Variants in MDGA2 observed in about 807,000 individuals in gnomAD.
MDGA2 encodes the protein MAM domain-containing glycosylphosphatidylinositol anchor protein 2.
In MDGA2, 40 loss-of-function variants were observed where a neutral mutation model predicts 117.8. That is an observed-to-expected ratio of 0.34 (90% CI 0.26 to 0.44). MDGA2 has a LOEUF of 0.44. MDGA2 is among the 20% of genes least tolerant of loss of function. MDGA2 has a pLI of 1.00. For synonymous variants in MDGA2, 452 were observed against 439.0 expected (o/e 1.03, Z -0.37); for missense variants, 1,123 against 1,250.6 (o/e 0.90, Z 1.54).
intron 8 of MDGA2, among the ~76,000 whole-genome samples, chr14:47,023,969 A>G (rs1267069768): frequency 6.6e-6 from 1 of 152,188 alleles, no homozygotes; most frequent in East Asian, 1.9e-4. Flanking sequence ...CAAGATTGAA[A>G]AGTAAAAACG....
At chr14:47,313,597 C>T (rs1396913905) in intron 1 of MDGA2, among the ~76,000 whole-genome samples, 1 of 152,110 alleles carries the variant, frequency 6.6e-6, no homozygotes, top group African/African-American at 2.4e-5. Flanking sequence ...ATGCCCAACT[C>T]AAAATGTACT....
At chr14:47,350,759 A>C (rs191724920) in intron 1 of MDGA2, among the ~76,000 whole-genome samples, 9 of 152,352 alleles carry the variant, frequency 5.9e-5, no homozygotes, top group East Asian at 1.9e-4. Flanking sequence ...CAAGTACCTA[A>C]GTAATTTTGG....
intron 10 of MDGA2, among the ~76,000 whole-genome samples, chr14:46,917,130 A>G (rs1023019653): frequency 6.6e-6 from 1 of 152,206 alleles, no homozygotes; most frequent in Non-Finnish European, 1.5e-5. Flanking sequence ...ATGTGAATCA[A>G]TAACATAGAT....
intron 8 of MDGA2, among the ~76,000 whole-genome samples, chr14:47,023,000 T>C (rs1213922465): frequency 6.6e-6 from 1 of 151,848 alleles, no homozygotes; most frequent in Non-Finnish European, 1.5e-5. Context: ...GTAGTTAATC[T>C]CTGGGTGAGA....
chr14:46,892,075 GT>G (rs1241465809), intron 10 of MDGA2, among the ~76,000 whole-genome samples: 1 of 151,592 alleles, frequency 6.6e-6, no homozygotes, highest in Non-Finnish European at 1.5e-5. Flanking sequence ...TATTAAAAAT[GT>G]TTTTTAAATA....
At position 47,080,300 on chromosome 14, in the gene MDGA2, A is replaced by G. The variant is rs541472985; in HGVS notation, c.1195+16554T>C. ...ATTTAATTCAATTATTTCTGGAGGA[A>G]ATTTATAACAATTTATAACGCAAGA... On this transcript the variant is annotated intron_variant, in intron 6 of 16. Coordinates refer to ENST00000399232, the MANE Select transcript of MDGA2 (RefSeq NM_001113498.3). Among the ~76,000 whole-genome samples the G allele has an allele frequency of 7.2e-5, 11 of 152,314 alleles. No homozygotes were observed. The South Asian group carries it at 8.3e-4, about 11-fold the overall frequency.
chr14:46,891,545 G>T (rs1287734409), intron 10 of MDGA2, among the ~76,000 whole-genome samples: 1 of 150,756 alleles, frequency 6.6e-6, no homozygotes, highest in Non-Finnish European at 1.5e-5. Flanking sequence ...TATATAGTTA[G>T]CAATACGTTT....
chr14:46,963,386 C>T (rs1382422891), intron 8 of MDGA2, among the ~76,000 whole-genome samples: 1 of 152,196 alleles, frequency 6.6e-6, no homozygotes. Flanking sequence ...AAAATCAGCT[C>T]ATGTTACTTT....
At chr14:47,310,130 G>A (rs1322785084) in intron 1 of MDGA2, among the ~76,000 whole-genome samples, 1 of 152,024 alleles carries the variant, frequency 6.6e-6, no homozygotes, top group Non-Finnish European at 1.5e-5. Flanking sequence ...CACATTGGCA[G>A]CTTCAGATTT....
At chr14:46,984,231 G>A (rs903480151) in intron 8 of MDGA2, among the ~76,000 whole-genome samples, 2 of 151,896 alleles carry the variant, frequency 1.3e-5, no homozygotes, top group African/African-American at 4.8e-5. Flanking sequence ...AGTATCTGGT[G>A]TAAATTTCTA....
intron 2 of MDGA2, among the ~76,000 whole-genome samples, chr14:47,299,746 G>A (rs1889211217): frequency 6.6e-6 from 1 of 151,990 alleles, no homozygotes; most frequent in Non-Finnish European, 1.5e-5. Flanking sequence ...TCATCAGTCT[G>A]TCCTTGTATG....
chr14:47,309,640 T>A (rs933157283), intron 1 of MDGA2, among the ~76,000 whole-genome samples: 2 of 152,124 alleles, frequency 1.3e-5, no homozygotes, highest in African/African-American at 2.4e-5. Flanking sequence ...TGGCAATTAT[T>A]AACGTTTGCT....
chr14:47,654,804 T>C (rs2138277708), intron 1 of MDGA2, among the ~76,000 whole-genome samples: 1 of 152,214 alleles, frequency 6.6e-6, no homozygotes. Context: ...AAAAAGACTG[T>C]GCTCTGAAAG....
chr14:46,996,932 C>A, intron 8 of MDGA2: 1 of 387,036 alleles, frequency 2.6e-6, no homozygotes, highest in East Asian at 7.4e-5. Flanking sequence ...AGCAGCAACC[C>A]AGGAATGGGT....
chr14:47,361,751 G>A (rs1044680301), intron 1 of MDGA2, among the ~76,000 whole-genome samples: 3 of 152,082 alleles, frequency 2.0e-5, no homozygotes, highest in African/African-American at 7.2e-5. Flanking sequence ...GGTTTGAACT[G>A]AGGACTCAGT....
intron 5 of MDGA2, among the ~76,000 whole-genome samples, chr14:47,112,042 T>G (rs1479080265): frequency 6.6e-6 from 1 of 151,954 alleles, no homozygotes; most frequent in Non-Finnish European, 1.5e-5. Context: ...ATCATGAACC[T>G]GTAATATGAA....
At chr14:47,106,672 G>T (rs557395089) in intron 5 of MDGA2, among the ~76,000 whole-genome samples, 2 of 151,970 alleles carry the variant, frequency 1.3e-5, no homozygotes, top group East Asian at 1.9e-4. Flanking sequence ...CTGCCCGATC[G>T]CCTCGGAAGC....
intron 1 of MDGA2, among the ~76,000 whole-genome samples, chr14:47,491,769 G>A (rs1030933324): frequency 6.6e-6 from 1 of 150,570 alleles, no homozygotes. Context: ...TATTTTACGT[G>A]TACGCCACGG....
chr14:47,588,255 TATATATACACACACAC>T (rs1359608584), intron 1 of MDGA2, among the ~76,000 whole-genome samples: 8 of 96,048 alleles, frequency 8.3e-5, no homozygotes, highest in African/African-American at 2.7e-4. Context: ...TATATATATA[TATATATACACACACAC>T]ACACACACAC....
Sources: gnomAD v4.1 joint callset for allele counts (sites outside exome capture counted in the v4.1 genomes callset) on GRCh38, gnomAD v4.1.1 for gene constraint, MANE v1.5 for transcripts, NCBI Gene and HGNC (gene_info 2026-07-23, HGNC 2026-07-21) for gene names.